DHX35: variants seen among roughly 807,000 people sequenced by gnomAD.
The protein encoded by DHX35 is probable ATP-dependent RNA helicase DHX35.
DHX35 carries 84 observed loss-of-function variants against 99.6 expected under a neutral mutation model. The observed-to-expected ratio is 0.84, with a 90% CI of 0.71 to 1.01. The LOEUF is 1.01. Ranked by LOEUF, DHX35 falls within the 50% of genes least tolerant of loss-of-function variation. DHX35 has a pLI of 0.00. For missense variants in DHX35, 852 were observed against 888.5 expected (o/e 0.96, Z 0.52); for synonymous variants, 331 against 316.2 (o/e 1.05, Z -0.50).
chr20:39,004,239 G>T (rs1435924468), intron 11 of DHX35, among the ~76,000 whole-genome samples: 6 of 151,740 alleles, frequency 4.0e-5, no homozygotes, highest in African/African-American at 1.5e-4. Context: ...ATTTTTTTTT[G>T]TATTTTTAGT....
At chr20:39,010,725 A>T (rs1768310478) in intron 13 of DHX35, among the ~76,000 whole-genome samples, 1 of 152,144 alleles carries the variant, frequency 6.6e-6, no homozygotes, top group Non-Finnish European at 1.5e-5. Context: ...ACCCAAATAG[A>T]ATCTCACCAG....
At chr20:39,000,908 G>C (rs1033053229) in intron 8 of DHX35, among the ~76,000 whole-genome samples, 2 of 152,140 alleles carry the variant, frequency 1.3e-5, no homozygotes, top group Admixed American at 1.3e-4. Flanking sequence ...TTGCCTGCCT[G>C]CATGGTCACT....
At chr20:39,032,378 G>A (rs1388934213) in intron 20 of DHX35, among the ~76,000 whole-genome samples, 1 of 152,138 alleles carries the variant, frequency 6.6e-6, no homozygotes, top group Admixed American at 6.5e-5. Flanking sequence ...TGCCGTGTTG[G>A]CCAGGCTGGT....
At chr20:38,981,570 C>T (rs1048812635) in intron 3 of DHX35, among the ~76,000 whole-genome samples, 1 of 152,170 alleles carries the variant, frequency 6.6e-6, no homozygotes, top group Non-Finnish European at 1.5e-5. Context: ...CTTTCTAGTA[C>T]TACAAGATGT....
At chr20:39,033,642 G>A (rs1459176468) in intron 20 of DHX35, among the ~76,000 whole-genome samples, 1 of 152,108 alleles carries the variant, frequency 6.6e-6, no homozygotes, top group Non-Finnish European at 1.5e-5. Flanking sequence ...TAAAATCAGG[G>A]GACTGGATGT....
intron 10 of DHX35, 100 bp downstream of exon 10, chr20:39,002,968 G>A: frequency 9.6e-7 from 1 of 1,046,206 alleles, no homozygotes; most frequent in South Asian, 1.6e-5. Context: ...TTCATGTTTT[G>A]TTGTATTTTG....
chr20:38,978,571 C>T, intron 3 of DHX35: 1 of 281,954 alleles, frequency 3.5e-6, no homozygotes, highest in Non-Finnish European at 6.9e-6. Context: ...GTTTGAGCAC[C>T]TTATATATTC....
At chr20:39,006,085 G>A in intron 11 of DHX35, 61 bp from the exon 12 acceptor site, 1 of 1,551,752 alleles carries the variant, frequency 6.4e-7, no homozygotes, top group Non-Finnish European at 8.9e-7. Context: ...GGATTTTTAC[G>A]AGTTTGTTAA....
intron 14 of DHX35, among the ~76,000 whole-genome samples, chr20:39,018,056 A>G (rs918666318): frequency 6.6e-6 from 1 of 152,218 alleles, no homozygotes; most frequent in Non-Finnish European, 1.5e-5. Context: ...CAAAGCTATC[A>G]GATCTTGTGA....
chr20:39,018,953 G>A (rs1386569672), intron 15 of DHX35, 54 bp downstream of exon 15: 2 of 1,574,834 alleles, frequency 1.3e-6, no homozygotes, highest in Admixed American at 1.7e-5. Context: ...CAGAGGTGTT[G>A]TTTGCCTGAA....
intron 21 of DHX35, among the ~76,000 whole-genome samples, chr20:39,038,056 A>G (rs952464247): frequency 6.6e-6 from 1 of 152,134 alleles, no homozygotes; most frequent in Non-Finnish European, 1.5e-5. Context: ...ACGCTTGGTA[A>G]ATTGACTTCC....
At chr20:38,982,441 T>C (rs2145857141) in intron 3 of DHX35, among the ~76,000 whole-genome samples, 2 of 152,328 alleles carry the variant, frequency 1.3e-5, no homozygotes, top group South Asian at 4.1e-4. Context: ...TCATTTGTAG[T>C]ATAGAAAGGG....
In DHX35 at chr20:39,003,800, G is replaced by C; in HGVS notation, c.904G>C (p.Ala302Pro). ...GCTCATCGAGCAGGCTCGAGCACTA[G>C]CTCGCACTGGGATGAAGAGACACCT... is the stretch of plus-strand genomic sequence containing the variant. ...SMLIEQARAL[A>P]RTGMKRHLRV... Residue 302 changes from alanine (A) to proline (P), a missense_variant, in exon 11 of 22, where the codon GCT becomes CCT. By Grantham distance (27) the Ala-to-Pro change is conservative. Transcript: ENST00000252011. 6.2e-7 allele frequency: 1 copy of C among 1,614,234 alleles called. No homozygotes were observed. Among genetic ancestry groups the C allele is most frequent in the Non-Finnish European group, 8.5e-7 (1 of 1,180,042 alleles).
intron 15 of DHX35, among the ~76,000 whole-genome samples, chr20:39,021,576 G>C (rs2086872454): frequency 6.6e-6 from 1 of 151,926 alleles, no homozygotes; most frequent in Non-Finnish European, 1.5e-5. Context: ...GCTCACTGCA[G>C]CCTTGACCTC....
chr20:39,018,351 C>T (rs143894218), intron 14 of DHX35, among the ~76,000 whole-genome samples: 80 of 152,064 alleles, frequency 5.3e-4, no homozygotes, highest in African/African-American at 1.7e-3. Context: ...CGGGAGCTGG[C>T]GAAGAGTAGT....
At chr20:39,037,495 C>T (rs999393098) in intron 21 of DHX35, among the ~76,000 whole-genome samples, 9 of 152,198 alleles carry the variant, frequency 5.9e-5, no homozygotes, top group South Asian at 2.1e-4. Flanking sequence ...CCTGGTGGTG[C>T]GCTGTGTCTT....
chr20:38,991,565 G>A, intron 6 of DHX35, 50 bp downstream of exon 6: 1 of 1,548,410 alleles, frequency 6.5e-7, no homozygotes, highest in Non-Finnish European at 8.9e-7. Flanking sequence ...AAGTCCCCAG[G>A]TAGACGGAGA....
At position 38,988,891 on chromosome 20, in the gene DHX35, A is replaced by T; in HGVS notation, c.424A>T (p.Thr142Ser). ...VGYCIRFDDC[T>S]DQLATRIKFL... ...CTACTGCATCCGCTTTGATGACTGC[A>T]CCGACCAGCTGGCCACGAGAATTAA... The change falls in exon 5 of 22, where the codon ACC (threonine) becomes TCC (serine). Residue 142 changes from threonine to serine, a missense_variant. Thr to Ser is a moderately conservative substitution (Grantham distance 58). Coordinates refer to ENST00000252011, the MANE Select transcript of DHX35 (RefSeq NM_021931.4). 1 of 1,613,482 alleles carries T rather than the reference A, an allele frequency of 6.2e-7. No homozygotes were observed. Among genetic ancestry groups the T allele is most frequent in the Admixed American group, 1.7e-5 (1 of 60,002 alleles).
intron 19 of DHX35, chr20:39,030,485 T>G (rs1296589874): frequency 3.6e-6 from 2 of 553,632 alleles, no homozygotes; most frequent in Non-Finnish European, 6.4e-6. Context: ...CGCGTGTTGC[T>G]TTTCTCCTCT....
Sources: allele counts gnomAD v4.1 joint callset (sites outside exome capture counted in the v4.1 genomes callset), GRCh38; gene constraint gnomAD v4.1.1; transcripts MANE v1.5; gene names NCBI Gene and HGNC (gene_info 2026-07-23, HGNC 2026-07-21).